The following BTRC variants were observed in gnomAD, a reference collection of about 807,000 sequenced individuals.
BTRC encodes the protein F-box/WD repeat-containing protein 1A.
Under a neutral mutation model 85.5 loss-of-function variants are expected in BTRC, and 42 were observed. That is an observed-to-expected ratio of 0.49 (90% CI 0.38 to 0.64). BTRC has a LOEUF of 0.64. Ranked by LOEUF, BTRC falls within the 30% of genes least tolerant of loss-of-function variation. The pLI is 0.00. For synonymous variants in BTRC, 255 were observed against 263.3 expected, an observed-to-expected ratio of 0.97 and a Z score of 0.30; for missense variants, 594 against 743.5, an observed-to-expected ratio of 0.80 and a Z score of 2.34.
intron 3 of BTRC, among the ~76,000 whole-genome samples, chr10:101,467,977 T>G (rs946789828): frequency 6.6e-6 from 1 of 152,150 alleles, no homozygotes; most frequent in Non-Finnish European, 1.5e-5. Context: ...TCTGACGAAG[T>G]GATTTGTTTA....
chr10:101,461,357 A>G (rs1197807512), intron 2 of BTRC, among the ~76,000 whole-genome samples: 1 of 152,024 alleles, frequency 6.6e-6, no homozygotes, highest in African/African-American at 2.4e-5. Flanking sequence ...TTATGAACTC[A>G]TTTTCAGTTG....
chr10:101,494,485 A>G (rs1234077534), intron 4 of BTRC, among the ~76,000 whole-genome samples: 4 of 152,198 alleles, frequency 2.6e-5, no homozygotes, highest in Non-Finnish European at 4.4e-5. Flanking sequence ...ATCATAACTC[A>G]AAAAATATTT....
intron 1 of BTRC, among the ~76,000 whole-genome samples, chr10:101,425,497 A>G (rs1944227060): frequency 6.6e-6 from 1 of 152,186 alleles, no homozygotes; most frequent in South Asian, 2.1e-4. Flanking sequence ...TGCAGTCATT[A>G]TCTGTTAACT....
At chr10:101,376,194 C>T (rs1459950322) in intron 1 of BTRC, among the ~76,000 whole-genome samples, 1 of 152,164 alleles carries the variant, frequency 6.6e-6, no homozygotes, top group Admixed American at 6.5e-5. Flanking sequence ...CTCATGGTGG[C>T]CCAGGCCTGT....
At chr10:101,354,111 C>T (rs1046721803), upstream of BTRC, 4 of 1,523,280 alleles carry the variant, frequency 2.6e-6, no homozygotes, top group African/African-American at 4.2e-5. Context: ...GATCCGGGCG[C>T]TGCGTTGGCT....
intron 2 of BTRC, among the ~76,000 whole-genome samples, chr10:101,432,925 T>G (rs1476708926): frequency 2.0e-5 from 3 of 152,150 alleles, no homozygotes; most frequent in Admixed American, 6.5e-5. Context: ...TCACTGGGGC[T>G]CTATCACATA....
At chr10:101,399,899 A>G (rs1943454191) in intron 1 of BTRC, among the ~76,000 whole-genome samples, 2 of 152,198 alleles carry the variant, frequency 1.3e-5, no homozygotes, top group African/African-American at 4.8e-5. Flanking sequence ...CACTTGCTTC[A>G]GAAATACTCA....
At chr10:101,400,414 G>A (rs1305031278) in intron 1 of BTRC, among the ~76,000 whole-genome samples, 1 of 128,844 alleles carries the variant, frequency 7.8e-6, no homozygotes, top group Non-Finnish European at 1.9e-5. Context: ...AAATACTGCT[G>A]AGTATCGGGA....
rs564016849 is a variant in BTRC, at chr10:101,526,448, C to A, written c.743+249C>A. 5.9e-5 allele frequency among the ~76,000 whole-genome samples: 9 copies of A among 152,318 alleles called. No homozygotes were observed. The South Asian group carries it at 1.9e-3, about 32-fold the overall frequency. Reference sequence around the variant, plus strand: ...CAAAAAATAATGGAAAGCTGATCAGCCCTCCTGTTTAAAACATTCTGTTAT... The same window carrying A: ...CAAAAAATAATGGAAAGCTGATCAGACCTCCTGTTTAAAACATTCTGTTAT... On this transcript the variant is annotated intron_variant, in intron 6 of 14. Coordinates refer to ENST00000370187, the MANE Select transcript of BTRC (RefSeq NM_033637.4).
intron 1 of BTRC, among the ~76,000 whole-genome samples, chr10:101,419,247 G>A (rs1944032984): frequency 6.6e-6 from 1 of 152,050 alleles, no homozygotes; most frequent in Admixed American, 6.6e-5. Flanking sequence ...CTGACCTCAG[G>A]CGATCCACCC....
Position 101,553,282 on chromosome 10 carries a change from CACAGTTGGTCT to C in BTRC, c.*160_*170del, listed in dbSNP as rs2062679994. Reference sequence around the variant, plus strand: ...CAGGGCTTTGAGACTCCTGTTGGGACACAGTTGGTCTGCAGTCGGCCCAGGACGGTCTACTC... The same window carrying C: ...CAGGGCTTTGAGACTCCTGTTGGGACGCAGTCGGCCCAGGACGGTCTACTC... On this transcript the variant is annotated 3_prime_UTR_variant, in exon 15 of 15. Coordinates refer to ENST00000370187, the MANE Select transcript of BTRC (RefSeq NM_033637.4). 6.6e-6 allele frequency: 1 copy of C among 152,646 alleles called. No homozygotes were observed. The highest frequency in any genetic ancestry group is 1.5e-5 in the Non-Finnish European group (1 of 68,074). The allele number at this position is 152,646 out of a possible 1,614,324, so 9.5% of individuals were successfully genotyped here. A position where few individuals can be genotyped will look rare whatever the true frequency, so the allele number is the denominator to read the frequency against.
intron 1 of BTRC, among the ~76,000 whole-genome samples, chr10:101,365,569 G>A (rs371544527): frequency 5.3e-5 from 8 of 151,780 alleles, no homozygotes; most frequent in Non-Finnish European, 8.8e-5. Context: ...TCTGCCTTCC[G>A]GGTTCAAGCA....
intron 12 of BTRC, 40 bp downstream of exon 12, chr10:101,536,693 G>A (rs372991368): frequency 4.0e-5 from 58 of 1,432,980 alleles, no homozygotes; most frequent in Admixed American, 3.1e-4. Flanking sequence ...GAAAATCTAC[G>A]TCTTAATCCT....
intron 1 of BTRC, among the ~76,000 whole-genome samples, chr10:101,367,013 TA>T (rs1197214293): frequency 1.3e-5 from 1 of 78,014 alleles, no homozygotes; most frequent in Non-Finnish European, 2.5e-5. Context: ...TATTTATATA[TA>T]TATTTATATT....
intron 1 of BTRC, among the ~76,000 whole-genome samples, chr10:101,368,888 G>A (rs34314178): frequency 0.36 from 54,855 of 151,734 alleles, 11,011 homozygotes; most frequent in Middle Eastern, 0.48. Flanking sequence ...ATGTGGTGGC[G>A]GGCACCTGTA....
intron 4 of BTRC, among the ~76,000 whole-genome samples, chr10:101,505,129 G>GACACA (rs1564812117): frequency 7.4e-4 from 56 of 76,066 alleles, no homozygotes; most frequent in African/African-American, 2.8e-3. Flanking sequence ...ATATATATGT[G>GACACA]TATATATATG....
intron 1 of BTRC, among the ~76,000 whole-genome samples, chr10:101,425,884 A>G (rs1157597703): frequency 6.6e-6 from 1 of 152,198 alleles, no homozygotes; most frequent in Non-Finnish European, 1.5e-5. Flanking sequence ...ATTTGCAAGG[A>G]AAAACAACAA....
chr10:101,376,997 T>G (rs11190975), intron 1 of BTRC, among the ~76,000 whole-genome samples: 50,024 of 152,000 alleles, frequency 0.33, 10,818 homozygotes, highest in East Asian at 0.67. Flanking sequence ...GGAATTCTAA[T>G]ATGTGTAGTA....
intron 2 of BTRC, among the ~76,000 whole-genome samples, chr10:101,438,115 T>C (rs1264167284): frequency 6.6e-6 from 1 of 152,130 alleles, no homozygotes; most frequent in Non-Finnish European, 1.5e-5. Flanking sequence ...GTGTGTTGGA[T>C]TAGATGGTCA....
Sources: gnomAD v4.1 joint callset for allele counts (sites outside exome capture counted in the v4.1 genomes callset) on GRCh38, gnomAD v4.1.1 for gene constraint, MANE v1.5 for transcripts, NCBI Gene and HGNC (gene_info 2026-07-23, HGNC 2026-07-21) for gene names.